Variants in CELF2 observed in about 807,000 individuals in gnomAD.
The protein encoded by CELF2 is CUGBP Elav-like family member 2.
CELF2 carries 8 observed loss-of-function variants against 62.6 expected under a neutral mutation model. The observed-to-expected ratio is 0.13, with a 90% confidence interval of 0.07 to 0.23. The LOEUF (loss-of-function observed/expected upper bound fraction) is 0.23, where lower values mean the gene tolerates loss of function less well. CELF2 is among the 10% of genes least tolerant of loss of function. CELF2 has a pLI of 1.00. For missense variants in CELF2, 333 were observed against 671.0 expected, an observed-to-expected ratio of 0.50 and a Z score of 5.56; for synonymous variants, 258 against 250.0, an observed-to-expected ratio of 1.03 and a Z score of -0.30.
chr10:11,008,702 G>A lies in CELF2; in HGVS notation c.53+3262G>A, dbSNP rs2055783107. 6.6e-6 allele frequency among the ~76,000 whole-genome samples: 1 copy of A among 152,024 alleles called. No individual in the cohort carries two copies. The highest frequency in any genetic ancestry group is 2.4e-5 in the African/African-American group (1 of 41,318). On this transcript the variant is annotated intron_variant, in intron 1 of 12. Coordinates refer to the CELF2 transcript ENST00000416382. The surrounding 1 kb of genome is among the most constrained non-coding windows in gnomAD (Gnocchi z 4.5). The stretch of plus-strand genomic sequence containing the variant: ...ATGCACAAGGAAGAGTGTTACGTGG[G>A]GACGATCATTCTGTATTTAAGGTGT...
intron 1 of CELF2, among the ~76,000 whole-genome samples, chr10:10,901,268 T>C (rs570820778): frequency 7.9e-5 from 12 of 152,316 alleles, no homozygotes; most frequent in African/African-American, 2.9e-4. Context: ...GATTTCACGA[T>C]GTGTTATCAA....
the CELF2 span, among the ~76,000 whole-genome samples, chr10:10,790,974 C>T: frequency 6.6e-6 from 1 of 152,074 alleles, no homozygotes; most frequent in Non-Finnish European, 1.5e-5. Flanking sequence ...TGCTTAGTTT[C>T]CTCACCTATA....
chr10:10,974,187 C>A (rs2051078383), intron 2 of CELF2, among the ~76,000 whole-genome samples: 1 of 152,112 alleles, frequency 6.6e-6, no homozygotes, highest in Admixed American at 6.5e-5. Context: ...ATGATGTGTG[C>A]CGAGCACACA....
chr10:10,516,798 C>T, the CELF2 span, among the ~76,000 whole-genome samples: 10 of 151,958 alleles, frequency 6.6e-5, no homozygotes, highest in African/African-American at 2.4e-4. Context: ...CCTTGCCACC[C>T]GGGCAACTCT....
Position 11,275,087 on chromosome 10 carries a change from C to G in CELF2, c.808C>G (p.Leu270Val). The G allele has an allele frequency of 1.2e-6, 2 of 1,614,222 alleles. No homozygotes were observed. The highest frequency in any genetic ancestry group is 1.7e-5 in the Admixed American group (1 of 60,032). ...LLQQATSSSN[L>V]GAFSGIQQMA... is the part of the protein sequence containing the mutation. ...GCAGCAGGCCACCTCCTCCAGCAAC[C>G]TGGGTGCGTTCAGCGGCATTCAACA... The change falls in exon 8 of 13, where the codon CTG becomes GTG. Residue 270 changes from leucine to valine, a missense_variant. By Grantham distance (32) the Leu-to-Val change is conservative. Coordinates refer to ENST00000633077, the MANE Select transcript of CELF2 (RefSeq NM_001326342.2).
At chr10:10,911,955 G>A (rs1415829735) in intron 1 of CELF2, among the ~76,000 whole-genome samples, 4 of 152,194 alleles carry the variant, frequency 2.6e-5, no homozygotes, top group African/African-American at 7.2e-5. Context: ...TAAGTGATGT[G>A]GTGAGTTTAT....
At chr10:10,737,298 T>G in the CELF2 span, among the ~76,000 whole-genome samples, 5 of 152,172 alleles carry the variant, frequency 3.3e-5, no homozygotes, top group Non-Finnish European at 7.3e-5. Context: ...TACTTTATAT[T>G]AGCCTTTTAT....
rs998107161 is a variant in CELF2 at position 11,280,823 on chromosome 10, G to T, written c.841+5703G>T. Reference sequence around the variant, plus strand: ...GTTGGAGTGAGATGCCCAAGAGGCAGGGGAGGTCCTAGGGCTCTGAAGGGC... The same window carrying T: ...GTTGGAGTGAGATGCCCAAGAGGCATGGGAGGTCCTAGGGCTCTGAAGGGC... On this transcript the variant is annotated intron_variant, in intron 8 of 12. Transcript: ENST00000633077. This position sits in a 1 kb window ranked among gnomAD's most constrained non-coding sequence, Gnocchi z 7.6. 5.3e-5 allele frequency among the ~76,000 whole-genome samples: 8 copies of T among 152,138 alleles called. No individual in the cohort carries two copies. Among genetic ancestry groups the T allele is most frequent in the African/African-American group, 1.9e-4 (8 of 41,430 alleles).
chr10:10,504,717 A>G, the CELF2 span, among the ~76,000 whole-genome samples: 9 of 151,580 alleles, frequency 5.9e-5, no homozygotes, highest in African/African-American at 1.9e-4. Flanking sequence ...TTCTGAGTCC[A>G]TGTTTTTTTT....
intron 1 of CELF2, among the ~76,000 whole-genome samples, chr10:11,160,660 AAAAAG>A (rs2065504765): frequency 6.6e-6 from 1 of 152,002 alleles, no homozygotes; most frequent in Non-Finnish European, 1.5e-5. Flanking sequence ...AAAAAAAAAA[AAAAAG>A]AGTATTGGAG....
chr10:10,917,662 A>G (rs2064478837), intron 1 of CELF2, among the ~76,000 whole-genome samples: 1 of 152,186 alleles, frequency 6.6e-6, no homozygotes, highest in Admixed American at 6.5e-5. Flanking sequence ...GTCTCAGTTG[A>G]AGACAGCTTT....
the CELF2 span, among the ~76,000 whole-genome samples, chr10:10,531,036 C>G: frequency 6.6e-6 from 1 of 152,166 alleles, no homozygotes. Context: ...ATGGTTGTGT[C>G]TCTCTGTGCT....
chr10:10,602,871 A>T, the CELF2 span, among the ~76,000 whole-genome samples: 2 of 152,114 alleles, frequency 1.3e-5, no homozygotes, highest in Non-Finnish European at 2.9e-5. Context: ...AAAATCGGTA[A>T]ATCATGGGTG....
chr10:10,657,758 T>C, the CELF2 span, among the ~76,000 whole-genome samples: 1 of 152,184 alleles, frequency 6.6e-6, no homozygotes. Context: ...GGTTTTCCAT[T>C]GTATTCATGA....
At chr10:10,836,488 A>G (rs889146518) in intron 1 of CELF2, among the ~76,000 whole-genome samples, 3 of 152,238 alleles carry the variant, frequency 2.0e-5, no homozygotes, top group Non-Finnish European at 4.4e-5. Context: ...ATTGGTGGCC[A>G]GGCAGAAGCC....
chr10:10,808,260 A>C (rs568291224), intron 1 of CELF2, among the ~76,000 whole-genome samples: 3 of 152,220 alleles, frequency 2.0e-5, no homozygotes, highest in Non-Finnish European at 4.4e-5. Context: ...GGCATTGACA[A>C]ATTTCTAGGA....
intron 2 of CELF2, among the ~76,000 whole-genome samples, chr10:10,986,462 A>G (rs2052762125): frequency 6.6e-6 from 1 of 152,198 alleles, no homozygotes; most frequent in Non-Finnish European, 1.5e-5. Flanking sequence ...CGTTACATTA[A>G]AGGTGAAAAC....
At chr10:10,680,256 A>G in the CELF2 span, among the ~76,000 whole-genome samples, 40 of 152,342 alleles carry the variant, frequency 2.6e-4, no homozygotes, top group Admixed American at 1.5e-3. Context: ...CCCACTTCTG[A>G]CACCAGTTGC....
chr10:11,003,043 T>C (rs2137038922), upstream of CELF2, among the ~76,000 whole-genome samples: 1 of 152,330 alleles, frequency 6.6e-6, no homozygotes, highest in Non-Finnish European at 1.5e-5. The surrounding 1 kb of genome is among the most constrained non-coding windows in gnomAD (Gnocchi z 4.4). Flanking sequence ...TATGTACATG[T>C]TATAAACTAC....
Sources: gnomAD v4.1 joint callset for allele counts (sites outside exome capture counted in the v4.1 genomes callset) on GRCh38, gnomAD v4.1.1 for gene constraint, Gnocchi (gnomAD v3.1) non-coding constraint, MANE v1.5 for transcripts, NCBI Gene and HGNC (gene_info 2026-07-23, HGNC 2026-07-21) for gene names.